CLASP1: variants seen among roughly 807,000 people sequenced by gnomAD.
The protein encoded by CLASP1 is CLIP-associating protein 1.
CLASP1 carries 38 observed loss-of-function variants against 192.3 expected under a neutral mutation model. The observed-to-expected ratio is 0.20, with a 90% CI of 0.15 to 0.26. CLASP1 has a LOEUF of 0.26. Ranked by LOEUF, CLASP1 falls within the 10% of genes least tolerant of loss-of-function variation. The pLI, the probability that CLASP1 is intolerant of heterozygous loss-of-function variation, is 1.00. For missense variants in CLASP1, 1,433 were observed against 1,932.5 expected (o/e 0.74, Z 4.85); for synonymous variants, 691 against 712.8 (o/e 0.97, Z 0.49).
intron 8 of CLASP1, among the ~76,000 whole-genome samples, chr2:121,490,088 T>C (rs1194472493): frequency 1.3e-5 from 2 of 152,186 alleles, no homozygotes; most frequent in Admixed American, 1.3e-4. Flanking sequence ...AGGTTAACAT[T>C]GATGTTTATT....
chr2:121,374,269 G>C (rs1351778092), intron 34 of CLASP1, among the ~76,000 whole-genome samples: 6 of 152,272 alleles, frequency 3.9e-5, no homozygotes, highest in Non-Finnish European at 7.3e-5. Flanking sequence ...TCCATGTGGT[G>C]TTGGGCCTGT....
chr2:121,646,156 A>G (rs1331232436), intron 1 of CLASP1, among the ~76,000 whole-genome samples: 1 of 152,204 alleles, frequency 6.6e-6, no homozygotes, highest in East Asian at 1.9e-4. Flanking sequence ...TCTGTCATCC[A>G]AGCTATAATG....
At chr2:121,606,333 C>T (rs991232956) in intron 1 of CLASP1, among the ~76,000 whole-genome samples, 153 bp from the exon 2 acceptor site, 1 of 152,104 alleles carries the variant, frequency 6.6e-6, no homozygotes, top group African/African-American at 2.4e-5. Flanking sequence ...GCAACCATAT[C>T]GAAATAACAT....
intron 34 of CLASP1, among the ~76,000 whole-genome samples, chr2:121,371,613 T>C (rs1481325659): frequency 6.6e-6 from 1 of 152,036 alleles, no homozygotes; most frequent in Non-Finnish European, 1.5e-5. Context: ...GATTCCCCCA[T>C]TCCTCACAAC....
intron 14 of CLASP1, among the ~76,000 whole-genome samples, chr2:121,456,018 A>G (rs2086580915): frequency 6.6e-6 from 1 of 152,212 alleles, no homozygotes. Context: ...ATGTGACTAC[A>G]GTTAGTAACA....
rs926307917 is a variant in CLASP1, at chr2:121,451,858, T to C, written c.1386-9A>G. On this transcript the variant is annotated splice_polypyrimidine_tract_variant and intron_variant, in intron 14 of 39. Coordinates refer to ENST00000263710, the Ensembl canonical transcript of CLASP1. Reference sequence around the variant, plus strand: ...AAAATTCAAAACAGCGCCTAAAAAGTATTAAGAAATACACAACTTATTAAT... The same window carrying C: ...AAAATTCAAAACAGCGCCTAAAAAGCATTAAGAAATACACAACTTATTAAT... The C allele has an allele frequency of 1.3e-6, 2 of 1,545,768 alleles. No homozygotes were observed. The highest frequency in any genetic ancestry group is 1.4e-5 in the African/African-American group (1 of 73,140).
chr2:121,478,275 G>C (rs1377797579), intron 8 of CLASP1, among the ~76,000 whole-genome samples: 3 of 152,052 alleles, frequency 2.0e-5, no homozygotes, highest in Admixed American at 6.6e-5. Flanking sequence ...ACTACAAGCA[G>C]GGATTAGAAG....
exon 35 of CLASP1, chr2:121,367,663 C>T (rs1375628278): frequency 6.2e-7 from 1 of 1,614,032 alleles, no homozygotes; most frequent in Non-Finnish European, 8.5e-7. Flanking sequence ...TTGATGGCAT[C>T]TGAGTAGGGG....
chr2:121,630,082 A>G (rs2069195943), intron 1 of CLASP1, among the ~76,000 whole-genome samples: 1 of 151,770 alleles, frequency 6.6e-6, no homozygotes, highest in African/African-American at 2.4e-5. Flanking sequence ...TACCATGCCC[A>G]GCTAACTTTA....
At chr2:121,351,440 T>C (rs1228687217) in intron 37 of CLASP1, among the ~76,000 whole-genome samples, 1 of 152,232 alleles carries the variant, frequency 6.6e-6, no homozygotes, top group African/African-American at 2.4e-5. Context: ...CCCACTAAGC[T>C]GGGCATTTAC....
intron 37 of CLASP1, among the ~76,000 whole-genome samples, chr2:121,350,642 A>G (rs2064194301): frequency 6.6e-6 from 1 of 152,194 alleles, no homozygotes; most frequent in African/African-American, 2.4e-5. Context: ...TGGTAAAGGG[A>G]AATTTTTCCA....
At chr2:121,367,404 T>C (rs1180073170) in intron 35 of CLASP1, among the ~76,000 whole-genome samples, 184 bp downstream of exon 36, 1 of 152,216 alleles carries the variant, frequency 6.6e-6, no homozygotes, top group Non-Finnish European at 1.5e-5. Flanking sequence ...TTCACTGCCA[T>C]GTTCCCCGTG....
exon 37 of CLASP1, chr2:121,363,201 G>T (rs982373402): frequency 1.9e-6 from 3 of 1,613,834 alleles, no homozygotes; most frequent in Non-Finnish European, 2.5e-6. Flanking sequence ...TGGGCTTCCA[G>T]AGTCTTCATA....
At chr2:121,478,646 C>CACA (rs2091972284) in intron 8 of CLASP1, among the ~76,000 whole-genome samples, 1 of 92,708 alleles carries the variant, frequency 1.1e-5, no homozygotes, top group African/African-American at 5.5e-5. Flanking sequence ...CACACACACC[C>CACA]CCCACACACA....
At chr2:121,625,511 T>C (rs1426304469) in intron 1 of CLASP1, among the ~76,000 whole-genome samples, 1 of 144,636 alleles carries the variant, frequency 6.9e-6, no homozygotes, top group Non-Finnish European at 1.5e-5. Flanking sequence ...CTCGGCTCAA[T>C]GCAACCTCTA....
At chr2:121,381,753 A>G (rs145488421) in intron 33 of CLASP1, among the ~76,000 whole-genome samples, 1 of 152,290 alleles carries the variant, frequency 6.6e-6, no homozygotes, top group East Asian at 1.9e-4. Flanking sequence ...GAAAGAAATC[A>G]GTTACAAATA....
At chr2:121,395,394 T>C (rs2075110453) in intron 30 of CLASP1, among the ~76,000 whole-genome samples, 1 of 152,230 alleles carries the variant, frequency 6.6e-6, no homozygotes, top group South Asian at 2.1e-4. Context: ...ATAATTTCCA[T>C]ATGGGTATTT....
intron 23 of CLASP1, among the ~76,000 whole-genome samples, chr2:121,412,818 AT>A (rs1366821148): frequency 6.6e-6 from 1 of 152,198 alleles, no homozygotes; most frequent in Non-Finnish European, 1.5e-5. Context: ...AAGCAAAACT[AT>A]AAGCTTTATG....
chr2:121,397,300 T>C lies in CLASP1; in HGVS notation c.2980-17A>G. The C allele has an allele frequency of 1.9e-6, 3 of 1,608,164 alleles. No individual in the cohort carries two copies. Among genetic ancestry groups the C allele is most frequent in the Non-Finnish European group, 2.6e-6 (3 of 1,175,524 alleles). On this transcript the variant is annotated splice_polypyrimidine_tract_variant and intron_variant, in intron 29 of 39. Coordinates refer to ENST00000263710, the Ensembl canonical transcript of CLASP1. ...AACTTTGACCTGAAAGAACCAATAA[T>C]TATAAACATTAAGTACACTTGATGA...
Sources: gnomAD v4.1 joint callset for allele counts (sites outside exome capture counted in the v4.1 genomes callset) on GRCh38, gnomAD v4.1.1 for gene constraint, MANE v1.5 for transcripts, NCBI Gene and HGNC (gene_info 2026-07-23, HGNC 2026-07-21) for gene names.